The following CMIP variants were observed in gnomAD, a reference collection of about 807,000 sequenced individuals.
CMIP encodes the protein C-Maf-inducing protein.
A neutral mutation model predicts 97.3 loss-of-function variants in CMIP; 13 were observed. That is an observed-to-expected ratio of 0.13 (90% CI 0.09 to 0.21). CMIP has a LOEUF of 0.21. CMIP is among the 10% of genes least tolerant of loss of function. The pLI is 1.00. For synonymous variants in CMIP, 538 were observed against 436.3 expected (o/e 1.23, Z -2.91); for missense variants, 847 against 1,024.9 (o/e 0.83, Z 2.37).
At chr16:81,671,889 C>T in intron 8 of CMIP, 77 bp from the exon 9 acceptor site, 4 of 710,776 alleles carry the variant, frequency 5.6e-6, no homozygotes, top group South Asian at 5.3e-5. Context: ...TGAGCAACGC[C>T]CTCCCTTTCC....
chr16:81,484,715 G>C (rs570962599), intron 1 of CMIP, among the ~76,000 whole-genome samples: 22 of 152,314 alleles, frequency 1.4e-4, no homozygotes, highest in African/African-American at 4.1e-4. Flanking sequence ...TGCGCATCCA[G>C]TACTCGGCGT....
chr16:81,500,687 C>G (rs1430391957), intron 1 of CMIP, among the ~76,000 whole-genome samples: 2 of 151,918 alleles, frequency 1.3e-5, no homozygotes, highest in Non-Finnish European at 2.9e-5. Context: ...CTGGGTTTCA[C>G]CATATTGGCC....
intron 1 of CMIP, among the ~76,000 whole-genome samples, chr16:81,484,541 C>T (rs898970): frequency 0.37 from 56,869 of 152,044 alleles, 10,916 homozygotes; most frequent in African/African-American, 0.44. Flanking sequence ...ATCTCCTCTT[C>T]CCCCTTGGGC....
rs142886648 is a variant in CMIP at position 81,634,677 on chromosome 16, T to C, written c.477+13751T>C. On this transcript the variant is annotated intron_variant, in intron 3 of 20. Transcript: ENST00000537098. ...TTCAAGCATGACAGCATTACCTGGC[T>C]TGAAACTCACATTAGAGACTTACTG... Among the ~76,000 whole-genome samples, 227 of 152,300 alleles carry C rather than the reference T, an allele frequency of 1.5e-3. 3 individuals are homozygous for C. Among genetic ancestry groups the C allele is most frequent in the African/African-American group, 5.3e-3 (219 of 41,560 alleles).
intron 1 of CMIP, chr16:81,495,596 T>G: frequency 8.0e-7 from 1 of 1,257,790 alleles, no homozygotes; most frequent in Non-Finnish European, 1.1e-6. Context: ...ACAGACCCAC[T>G]TCTCAGAGGG....
At chr16:81,492,962 C>T (rs896237492) in intron 1 of CMIP, among the ~76,000 whole-genome samples, 6 of 152,204 alleles carry the variant, frequency 3.9e-5, no homozygotes, top group Middle Eastern at 3.4e-3. Context: ...CGAGAAGATG[C>T]AGATGCCCCT....
chr16:81,641,522 C>G (rs1363861462), intron 3 of CMIP, among the ~76,000 whole-genome samples: 1 of 152,172 alleles, frequency 6.6e-6, no homozygotes, highest in Non-Finnish European at 1.5e-5. Context: ...CAGCTGGGAG[C>G]CTGACACCAA....
At chr16:81,705,801 C>A (rs531830105) in intron 19 of CMIP, among the ~76,000 whole-genome samples, 197 bp downstream of exon 19, 1 of 152,236 alleles carries the variant, frequency 6.6e-6, no homozygotes, top group Non-Finnish European at 1.5e-5. Context: ...GAAAAATATC[C>A]CTAACCTCAG....
At chr16:81,691,990 C>A in intron 11 of CMIP, 150 bp downstream of exon 11, 1 of 700,532 alleles carries the variant, frequency 1.4e-6, no homozygotes, top group South Asian at 1.7e-5. Context: ...TCAGCCACGT[C>A]CTCAGCTGTG....
intron 4 of CMIP, among the ~76,000 whole-genome samples, chr16:81,656,210 C>G (rs978879023): frequency 6.6e-6 from 1 of 152,178 alleles, no homozygotes; most frequent in African/African-American, 2.4e-5. Flanking sequence ...CACGGCCTCC[C>G]GCAGCCCTCG....
chr16:81,696,293 A>G (rs1036420598), intron 13 of CMIP: 1 of 549,474 alleles, frequency 1.8e-6, no homozygotes, highest in African/African-American at 1.9e-5. Flanking sequence ...CATTCAGATC[A>G]GCCAATCAAG....
intron 1 of CMIP, among the ~76,000 whole-genome samples, chr16:81,473,857 C>G (rs1907717267): frequency 2.7e-5 from 4 of 147,586 alleles, no homozygotes; most frequent in Non-Finnish European, 5.9e-5. Context: ...AGTTGTCTGC[C>G]TTTAAAGTTG....
At chr16:81,547,254 G>A (rs934811065) in intron 1 of CMIP, among the ~76,000 whole-genome samples, 5 of 152,196 alleles carry the variant, frequency 3.3e-5, no homozygotes, top group Non-Finnish European at 5.9e-5. Context: ...GGTTCAGCGC[G>A]GCTGGGTCGT....
At chr16:81,451,882 T>C (rs751794008) in intron 1 of CMIP, among the ~76,000 whole-genome samples, 13 of 152,216 alleles carry the variant, frequency 8.5e-5, no homozygotes, top group Non-Finnish European at 1.9e-4. Flanking sequence ...AGAGTTTCTC[T>C]TCCTTGCTCC....
chr16:81,574,903 G>T (rs901031838), intron 1 of CMIP, among the ~76,000 whole-genome samples: 3 of 152,192 alleles, frequency 2.0e-5, no homozygotes, highest in Non-Finnish European at 2.9e-5. Flanking sequence ...CTCCACAGTA[G>T]CTGCTCACGA....
At position 81,557,883 on chromosome 16, in the gene CMIP, C is replaced by A. The variant is rs372563055; in HGVS notation, c.301-49684C>A. On this transcript the variant is annotated intron_variant, in intron 1 of 20. Coordinates refer to ENST00000537098, the MANE Select transcript of CMIP (RefSeq NM_198390.3). ...TTCCCATTGTGCAACCATCACTACC[C>A]TCCATCTTCAGAACTCTTTTCATCT... Among the ~76,000 whole-genome samples the A allele has an allele frequency of 5.3e-4, 81 of 152,322 alleles. 1 individual carries two copies. In the South Asian group the frequency reaches 0.015, roughly 29 times the overall value.
At chr16:81,577,809 A>C (rs1228592418) in intron 1 of CMIP, among the ~76,000 whole-genome samples, 1 of 137,034 alleles carries the variant, frequency 7.3e-6, no homozygotes, top group Non-Finnish European at 1.5e-5. Context: ...CATCACCGTC[A>C]TCCCCATTAC....
chr16:81,456,416 T>C (rs1377162573), intron 1 of CMIP, among the ~76,000 whole-genome samples: 2 of 152,118 alleles, frequency 1.3e-5, no homozygotes, highest in Non-Finnish European at 2.9e-5. Flanking sequence ...CCTCCAGATG[T>C]CACGACGAGT....
At chr16:81,492,457 A>T (rs2089420645) in intron 1 of CMIP, among the ~76,000 whole-genome samples, 1 of 152,144 alleles carries the variant, frequency 6.6e-6, no homozygotes, top group Non-Finnish European at 1.5e-5. Context: ...AGCGATGAAG[A>T]TGAAAAAGTG....
Sources: gnomAD v4.1 joint callset for allele counts (sites outside exome capture counted in the v4.1 genomes callset) on GRCh38, gnomAD v4.1.1 for gene constraint, MANE v1.5 for transcripts, NCBI Gene and HGNC (gene_info 2026-07-23, HGNC 2026-07-21) for gene names.